Variants in CPNE7 observed in about 807,000 individuals in gnomAD.
The protein encoded by CPNE7 is copine-7.
Under a neutral mutation model 66.5 loss-of-function variants are expected in CPNE7, and 78 were observed. The ratio of observed to expected loss-of-function variants is 1.17; its 90% CI spans 0.98 to 1.42. The LOEUF is 1.42. CPNE7 is among the 40% of genes most tolerant of loss of function. CPNE7 has a pLI of 0.00. For synonymous variants in CPNE7, 468 were observed against 336.7 expected (o/e 1.39, Z -4.27); for missense variants, 1,012 against 776.6 (o/e 1.30, Z -3.60).
chr16:89,575,835 C>T lies in CPNE7; in HGVS notation c.-63C>T, dbSNP rs993870121. On this transcript the variant is annotated 5_prime_UTR_variant, in exon 1 of 15. Coordinates refer to ENST00000319518, the MANE Select transcript of CPNE7 (RefSeq NM_153636.3). ...GGCCACCATTTCCCGGGCGCCGCGGCGGCGCCGACTCGCGGGCAGCGGCCC... is the reference window on the plus strand; with the variant it reads ...GGCCACCATTTCCCGGGCGCCGCGGTGGCGCCGACTCGCGGGCAGCGGCCC... The T allele has an allele frequency of 9.8e-5, 108 of 1,107,450 alleles. No individual in the cohort carries two copies. Among genetic ancestry groups the T allele is most frequent in the African/African-American group, 8.1e-4 (49 of 60,232 alleles). The allele number at this position is 1,107,450 out of a possible 1,614,324, so 68.6% of individuals were successfully genotyped here.
At position 89,595,621 on chromosome 16, in the gene CPNE7, G is replaced by C; in HGVS notation, c.1539+18G>C. 6.3e-7 allele frequency: 1 copy of C among 1,585,832 alleles called. No individual in the cohort carries two copies. Among genetic ancestry groups the C allele is most frequent in the Non-Finnish European group, 8.6e-7 (1 of 1,159,918 alleles). ...TCAAGAACGTGAGTGTCCTGGAGGG[G>C]CTCCGTCAAGGCCGGCTTGGGGGTC... On this transcript the variant is annotated intron_variant, in intron 14 of 14. Transcript: ENST00000319518.
rs1000702090 is a variant in CPNE7 at position 89,584,244 on chromosome 16, G to A, written c.507+142G>A. On this transcript the variant is annotated intron_variant, in intron 4 of 14. Coordinates refer to ENST00000319518, the MANE Select transcript of CPNE7 (RefSeq NM_153636.3). This position sits in a 1 kb window ranked among gnomAD's most constrained non-coding sequence, Gnocchi z 6.0. ...GAGTGTGCCTGGGGCTGGGCGTGCT[G>A]CCGTCACGGTCGCCATCATCACTGT... 10 of 811,006 alleles carry A rather than the reference G, an allele frequency of 1.2e-5. No homozygotes were observed. In the African/African-American group the frequency reaches 1.4e-4, roughly 11 times the overall value. 50.2% of individuals were successfully genotyped at this position (811,006 alleles called of 1,614,324 possible). A position where few individuals can be genotyped will look rare whatever the true frequency, so the allele number is the denominator to read the frequency against.
intron 13 of CPNE7, among the ~76,000 whole-genome samples, chr16:89,592,096 C>G (rs1465955160): frequency 6.7e-6 from 1 of 149,592 alleles, no homozygotes; most frequent in African/African-American, 2.5e-5. Flanking sequence ...GCAACCTCCC[C>G]CTCCCAGGTT....
chr16:89,577,670 C>T lies in CPNE7; in HGVS notation c.306C>T (p.Phe102=), dbSNP rs2058881661. The T allele has an allele frequency of 1.2e-6, 2 of 1,600,480 alleles. No homozygotes were observed. The highest frequency in any genetic ancestry group is 4.5e-5 in the East Asian group (2 of 44,328). ...ACGACACGCATGGGCCCAGCGGCTTCAGCTGTCAGGAGGACGATTTCCTGG... is the reference window on the plus strand; with the variant it reads ...ACGACACGCATGGGCCCAGCGGCTTTAGCTGTCAGGAGGACGATTTCCTGG... ...EVYDTHGPSG[F]SCQEDDFLGG... is the part of the protein sequence containing the mutation. Residue 102 remains phenylalanine (F), a synonymous_variant, in exon 2 of 15, where the codon TTC becomes TTT. Transcript: ENST00000319518.
chr16:89,577,606 A>C lies in CPNE7; in HGVS notation c.242A>C (p.Tyr81Ser), dbSNP rs1246715570. 6.4e-7 allele frequency: 1 copy of C among 1,560,576 alleles called. No individual in the cohort carries two copies. The highest frequency in any genetic ancestry group is 8.7e-7 in the Non-Finnish European group (1 of 1,151,786). ...PVFSKVFTVD[Y>S]YFEEVQRLRF... ...TTCTCCAAGGTCTTCACGGTGGACT[A>C]CTACTTCGAGGAGGTGCAGAGGCTG... Residue 81 changes from tyrosine to serine, a missense_variant, in exon 2 of 15, where the codon TAC (tyrosine) becomes TCC (serine). Tyr to Ser is a moderately radical substitution (Grantham distance 144). Coordinates refer to ENST00000319518, the MANE Select transcript of CPNE7 (RefSeq NM_153636.3).
In CPNE7 at chr16:89,575,836, G is replaced by T; in HGVS notation, c.-62G>T. 1 of 1,120,184 alleles carries T rather than the reference G, an allele frequency of 8.9e-7. No homozygotes were observed. Among genetic ancestry groups the T allele is most frequent in the South Asian group, 4.4e-5 (1 of 22,810 alleles). The allele number at this position is 1,120,184 out of a possible 1,614,324, so 69.4% of individuals were successfully genotyped here. A position where few individuals can be genotyped will look rare whatever the true frequency, so the allele number is the denominator to read the frequency against. ...GCCACCATTTCCCGGGCGCCGCGGC[G>T]GCGCCGACTCGCGGGCAGCGGCCCC... On this transcript the variant is annotated 5_prime_UTR_variant, in exon 1 of 15. Coordinates refer to ENST00000319518, the MANE Select transcript of CPNE7 (RefSeq NM_153636.3).
rs3830555 is a variant in CPNE7, at chr16:89,584,767, T to TC, written c.508-3dup. On this transcript the variant is annotated splice_polypyrimidine_tract_variant and splice_region_variant and intron_variant, in intron 4 of 14. Transcript: ENST00000319518. This position sits in a 1 kb window ranked among gnomAD's most constrained non-coding sequence, Gnocchi z 6.0. ...CCTGGCCCAGCAGCCCTTGTGCCTCTCCCCAGGACCTCTTCAGCAAGTCCG... is the reference window on the plus strand; with the variant it reads ...CCTGGCCCAGCAGCCCTTGTGCCTCTCCCCCAGGACCTCTTCAGCAAGTCCG... 104,753 of 1,611,740 alleles carry TC rather than the reference T, an allele frequency of 0.065. 4,780 individuals are homozygous for TC. Among genetic ancestry groups the TC allele is most frequent in the Admixed American group, 0.2 (11,754 of 59,888 alleles).
rs1435280249 is a variant in CPNE7, at chr16:89,591,406, A to C, written c.1302+146A>C. 1.1e-5 allele frequency: 13 copies of C among 1,193,878 alleles called. No homozygotes were observed. In the Admixed American group the frequency reaches 3.5e-4, roughly 32 times the overall value. 74.0% of individuals were successfully genotyped at this position (1,193,878 alleles called of 1,614,324 possible). A position where few individuals can be genotyped will look rare whatever the true frequency, so the allele number is the denominator to read the frequency against. On this transcript the variant is annotated intron_variant, in intron 13 of 14. Transcript: ENST00000319518. ...ACAGAGCTCAGGAGGGCGGGGGCCC[A>C]GCTGGTTGACTACGTCTCCCTCAAA...
intron 9 of CPNE7, among the ~76,000 whole-genome samples, chr16:89,587,946 GC>G (rs377158616): frequency 0.017 from 73 of 4,244 alleles, 15 homozygotes; most frequent in Non-Finnish European, 0.03. Context: ...CAGATACACG[GC>G]CCCCCGTGTT....
In CPNE7 at chr16:89,586,792, C is replaced by T. The variant is rs190558761; in HGVS notation, c.867+36C>T. ...GCTGTGCCCGAAGCCTCCCCACCCA[C>T]AAGAGGGGCTTCCGCTGCCTCCCTC... On this transcript the variant is annotated intron_variant, in intron 8 of 14. Coordinates refer to ENST00000319518, the MANE Select transcript of CPNE7 (RefSeq NM_153636.3). The T allele has an allele frequency of 3.2e-4, 491 of 1,544,492 alleles. 2 individuals are homozygous for T. The highest frequency in any genetic ancestry group is 8.1e-5 in the Non-Finnish European group (91 of 1,117,798).
chr16:89,594,090 C>G (rs569715801), intron 13 of CPNE7: 35 of 152,318 alleles, frequency 2.3e-4, no homozygotes, highest in African/African-American at 8.4e-4. Context: ...AACGAGGACT[C>G]AGACATGATC....
At position 89,591,117 on chromosome 16, in the gene CPNE7, C is replaced by G. The variant is rs764108575; in HGVS notation, c.1169-10C>G. ...GCAGGGGGGCCGGGCTCACCCCCTG[C>G]CCCCCACAGGCATCCAGGGCGTGGT... On this transcript the variant is annotated splice_polypyrimidine_tract_variant and intron_variant, in intron 12 of 14. Coordinates refer to ENST00000319518, the MANE Select transcript of CPNE7 (RefSeq NM_153636.3). 1.2e-6 allele frequency: 2 copies of G among 1,612,446 alleles called. No individual in the cohort carries two copies. The highest frequency in any genetic ancestry group is 1.7e-5 in the Admixed American group (1 of 59,888).
At chr16:89,585,037 G>A (rs1033271776) in intron 5 of CPNE7, among the ~76,000 whole-genome samples, 180 bp downstream of exon 5, 10 of 152,148 alleles carry the variant, frequency 6.6e-5, no homozygotes, top group Admixed American at 3.9e-4. Context: ...CCTGGGGGCC[G>A]TGGCTGTGGC....
At chr16:89,576,356 G>GC (rs2058859535) in intron 1 of CPNE7, among the ~76,000 whole-genome samples, 1 of 151,906 alleles carries the variant, frequency 6.6e-6, no homozygotes, top group Non-Finnish European at 1.5e-5. Context: ...CGGGGAGGGG[G>GC]CCCCGGGCCA....
In CPNE7 at chr16:89,584,389, G is replaced by A. The variant is rs1423318960; in HGVS notation, c.507+287G>A. ...GGGAAATAGGCCCAGCACCCCCGAG[G>A]CCACTGTCGTGACAGGAGGAACTGG... is the stretch of plus-strand genomic sequence containing the variant. On this transcript the variant is annotated intron_variant, in intron 4 of 14. Coordinates refer to ENST00000319518, the MANE Select transcript of CPNE7 (RefSeq NM_153636.3). The surrounding 1 kb of genome is among the most constrained non-coding windows in gnomAD (Gnocchi z 6.0). Among the ~76,000 whole-genome samples the A allele has an allele frequency of 4.6e-5, 7 of 152,236 alleles. No individual in the cohort carries two copies. The highest frequency in any genetic ancestry group is 2.0e-4 in the Admixed American group (3 of 15,290).
rs552918156 is a variant in CPNE7, at chr16:89,576,897, C to T, written c.175-642C>T. Reference sequence around the variant, plus strand: ...CCGCCTGTCCCCAGGGTTCCGGCTGCCCCCGGAGGCCCCGTGCCCGCCCCT... The same window carrying T: ...CCGCCTGTCCCCAGGGTTCCGGCTGTCCCCGGAGGCCCCGTGCCCGCCCCT... On this transcript the variant is annotated intron_variant, in intron 1 of 14. Coordinates refer to ENST00000319518, the MANE Select transcript of CPNE7 (RefSeq NM_153636.3). Among the ~76,000 whole-genome samples the T allele has an allele frequency of 2.8e-4, 42 of 152,220 alleles. No homozygotes were observed. In the East Asian group the frequency reaches 6.8e-3, roughly 25 times the overall value.
intron 1 of CPNE7, among the ~76,000 whole-genome samples, chr16:89,576,461 G>C (rs2058861536): frequency 6.6e-6 from 1 of 151,990 alleles, no homozygotes; most frequent in Non-Finnish European, 1.5e-5. Flanking sequence ...CGGGGGGCGG[G>C]AGGCTGGGCG....
chr16:89,576,240 G>A (rs1440411705), intron 1 of CPNE7, among the ~76,000 whole-genome samples, 169 bp downstream of exon 1: 1 of 152,084 alleles, frequency 6.6e-6, no homozygotes, highest in East Asian at 1.9e-4. Flanking sequence ...GTCTGGGGGT[G>A]GGGTGTCCAG....
Position 89,591,002 on chromosome 16 carries a change from C to G in CPNE7, c.1117-5C>G. On this transcript the variant is annotated splice_polypyrimidine_tract_variant and splice_region_variant and intron_variant, in intron 11 of 14. Coordinates refer to ENST00000319518, the MANE Select transcript of CPNE7 (RefSeq NM_153636.3). Reference sequence around the variant, plus strand: ...AGCTGACTGAGCCCTCTTGTTCCCACCCAGGTGTCCCATGACTTTGCCATC... The same window carrying G: ...AGCTGACTGAGCCCTCTTGTTCCCAGCCAGGTGTCCCATGACTTTGCCATC... 6.2e-7 allele frequency: 1 copy of G among 1,613,652 alleles called. No individual in the cohort carries two copies. Among genetic ancestry groups the G allele is most frequent in the South Asian group, 1.1e-5 (1 of 91,086 alleles).
Sources: gnomAD v4.1 joint callset for allele counts (sites outside exome capture counted in the v4.1 genomes callset) on GRCh38, gnomAD v4.1.1 for gene constraint, Gnocchi (gnomAD v3.1) non-coding constraint, MANE v1.5 for transcripts, NCBI Gene and HGNC (gene_info 2026-07-23, HGNC 2026-07-21) for gene names.